The following NDUFB8 variants were observed in gnomAD, a reference collection of about 807,000 sequenced individuals.
NDUFB8 encodes NADH dehydrogenase [ubiquinone] 1 beta subcomplex subunit 8, mitochondrial.
Under a neutral mutation model 26.0 loss-of-function variants are expected in NDUFB8, and 17 were observed. The observed-to-expected ratio is 0.65, with a 90% CI of 0.45 to 0.98. The LOEUF (loss-of-function observed/expected upper bound fraction) is 0.98. NDUFB8 is among the 50% of genes least tolerant of loss of function. NDUFB8 has a pLI of 0.00. For synonymous variants in NDUFB8, 89 were observed against 93.1 expected (o/e 0.96, Z 0.25); for missense variants, 238 against 255.0 (o/e 0.93, Z 0.45).
chr10:100,526,721 T>C, intron 3 of NDUFB8, 167 bp from the exon 4 acceptor site: 1 of 864,022 alleles, frequency 1.2e-6, no homozygotes, highest in Non-Finnish European at 1.8e-6. Context: ...GATTAGATGC[T>C]GGCCTCTGTC....
intron 2 of NDUFB8, 79 bp downstream of exon 2, chr10:100,529,276 GGGGTCACGAGAAGGTTCGGGAAAAA>G: frequency 9.4e-7 from 1 of 1,066,124 alleles, no homozygotes; most frequent in South Asian, 2.0e-5. Flanking sequence ...TTGACTCTGA[GGGGTCACGAGAAGGTTCGGGAAAAA>G]GGGTCACAGT....
chr10:100,529,792 G>T lies in NDUFB8; in HGVS notation c.60C>A (p.Asn20Lys). The change falls in exon 1 of 5, where the codon AAC becomes AAA. Residue 20 changes from asparagine to lysine, a missense_variant. By Grantham distance (94) the Asn-to-Lys change is moderately conservative (BLOSUM62 0). Coordinates refer to ENST00000299166, the MANE Select transcript of NDUFB8 (RefSeq NM_005004.4). ...CTGTCCGTGCGCCCAGCGGCATCACGTTCCGGGATGCCCTTTGCAGCCACT... is the reference window on the plus strand; with the variant it reads ...CTGTCCGTGCGCCCAGCGGCATCACTTTCCGGGATGCCCTTTGCAGCCACT... ...GVQWLQRASR[N>K]VMPLGARTAS... 1 of 1,613,594 alleles carries T rather than the reference G, an allele frequency of 6.2e-7. No homozygotes were observed. The highest frequency in any genetic ancestry group is 2.2e-5 in the East Asian group (1 of 44,832).
rs759472442 is a variant in NDUFB8 at position 100,526,468 on chromosome 10, G to C, written c.399C>G (p.Leu133=). The change falls in exon 4 of 5, where the codon CTC becomes CTG. Residue 133 remains leucine (L), a synonymous_variant. Coordinates refer to ENST00000299166, the MANE Select transcript of NDUFB8 (RefSeq NM_005004.4). ...ATATCATGAAAGCCAGGAAACCGAA[G>C]AGCTGCATACACATGACATGCCAAG... is the stretch of plus-strand genomic sequence containing the variant. ...PVSWHVMCMQ[L]FGFLAFMIFM... is the part of the protein sequence containing the mutation. 6.8e-6 allele frequency: 11 copies of C among 1,612,636 alleles called. No homozygotes were observed. Among genetic ancestry groups the C allele is most frequent in the Non-Finnish European group, 2.5e-6 (3 of 1,179,610 alleles).
In NDUFB8 at chr10:100,524,215, G is replaced by T; in HGVS notation, c.469-286C>A. ...GGAAGGGAGGAAGACAGGGAGGGAG[G>T]TAAAGAAAGAGAGAAGAGTGTGTTA... On this transcript the variant is annotated intron_variant, in intron 4 of 4. Coordinates refer to ENST00000299166, the MANE Select transcript of NDUFB8 (RefSeq NM_005004.4). This position sits in a 1 kb window ranked among gnomAD's most constrained non-coding sequence, Gnocchi z 4.0. 1 of 1,303,662 alleles carries T rather than the reference G, an allele frequency of 7.7e-7. No homozygotes were observed. Among genetic ancestry groups the T allele is most frequent in the Non-Finnish European group, 1.1e-6 (1 of 923,324 alleles). The allele number at this position is 1,303,662 out of a possible 1,614,324, so 80.8% of individuals were successfully genotyped here.
In NDUFB8 at chr10:100,527,055, G is replaced by A. The variant is rs199893243; in HGVS notation, c.232C>T (p.Leu78Phe). 31 of 1,614,130 alleles carry A rather than the reference G, an allele frequency of 1.9e-5. No individual in the cohort carries two copies. The Admixed American group carries it at 2.0e-4, about 10-fold the overall frequency. The change falls in exon 3 of 5, where the codon CTC becomes TTC. Residue 78 changes from leucine (L) to phenylalanine (F), a missense_variant. Transcript: ENST00000299166. ...CTCTCATGCTGTGAGCGGTCAGGGA[G>A]CTTCGGGTAGTCGCCATACCTGAAA... ...DGMGYGDYPK[L>F]PDRSQHERDP...
At chr10:100,529,674 G>A in intron 1 of NDUFB8, 93 bp downstream of exon 1, 1 of 1,548,190 alleles carries the variant, frequency 6.5e-7, no homozygotes, top group Non-Finnish European at 8.8e-7. Context: ...CCTACCCGGA[G>A]GCTGCCGCCG....
At chr10:100,525,715 T>TA (rs1448199496) in intron 4 of NDUFB8, among the ~76,000 whole-genome samples, 1 of 87,364 alleles carries the variant, frequency 1.1e-5, no homozygotes, top group Non-Finnish European at 2.3e-5. Context: ...ACTAAGCACA[T>TA]ACGTGTGTGT....
chr10:100,524,205 AG>A lies in NDUFB8; in HGVS notation c.469-277del. The A allele has an allele frequency of 7.4e-7, 1 of 1,360,432 alleles. No homozygotes were observed. Among genetic ancestry groups the A allele is most frequent in the Non-Finnish European group, 1.0e-6 (1 of 973,272 alleles). 84.3% of individuals were successfully genotyped at this position (1,360,432 alleles called of 1,614,324 possible). Reference sequence around the variant, plus strand: ...GGAAAGGAGGGGAAGGGAGGAAGACAGGGAGGGAGGTAAAGAAAGAGAGAAG... The same window carrying A: ...GGAAAGGAGGGGAAGGGAGGAAGACAGGAGGGAGGTAAAGAAAGAGAGAAG... On this transcript the variant is annotated intron_variant, in intron 4 of 4. Coordinates refer to ENST00000299166, the MANE Select transcript of NDUFB8 (RefSeq NM_005004.4). This position sits in a 1 kb window ranked among gnomAD's most constrained non-coding sequence, Gnocchi z 4.0.
chr10:100,525,522 G>A (rs1369022100), intron 4 of NDUFB8, among the ~76,000 whole-genome samples: 3 of 151,982 alleles, frequency 2.0e-5, no homozygotes, highest in African/African-American at 7.3e-5. Context: ...GCCTCCCAAT[G>A]TGCCGGGATT....
intron 2 of NDUFB8, 43 bp downstream of exon 2, chr10:100,529,337 C>G (rs369735381): frequency 1.3e-6 from 2 of 1,528,214 alleles, no homozygotes; most frequent in Non-Finnish European, 1.8e-6. Context: ...AGCCGGCCTT[C>G]TCCCATCACT....
chr10:100,526,460 AAACC>A lies in NDUFB8; in HGVS notation c.403_406del (p.Gly135SerfsTer5), dbSNP rs1852052314. 1.2e-6 allele frequency: 2 copies of A among 1,612,606 alleles called. No homozygotes were observed. Among genetic ancestry groups the A allele is most frequent in the East Asian group, 4.5e-5 (2 of 44,804 alleles). On this transcript the variant is annotated frameshift_variant, in exon 4 of 5. Transcript: ENST00000299166. LOFTEE classifies it high-confidence loss of function. ...GCACATGAATATCATGAAAGCCAGG[AAACC>A]GAAGAGCTGCATACACATGACATGC...
chr10:100,529,681 G>C, intron 1 of NDUFB8, 86 bp downstream of exon 1: 1 of 1,548,764 alleles, frequency 6.5e-7, no homozygotes, highest in South Asian at 1.1e-5. Context: ...GGAGGCTGCC[G>C]CCGCGGCATC....
rs779030522 is a variant in NDUFB8 at position 100,527,122 on chromosome 10, C to G, written c.213-48G>C. The G allele has an allele frequency of 2.7e-6, 4 of 1,458,632 alleles. No homozygotes were observed. The Admixed American group carries it at 6.8e-5, about 25-fold the overall frequency. The allele number at this position is 1,458,632 out of a possible 1,614,324, so 90.4% of individuals were successfully genotyped here. On this transcript the variant is annotated intron_variant, in intron 2 of 4. Coordinates refer to ENST00000299166, the MANE Select transcript of NDUFB8 (RefSeq NM_005004.4). Reference sequence around the variant, plus strand: ...GGAAAGGGCTGTGAGCAGCCTCAGACAATTCAGAGTCTCCTCATCTTATAG... The same window carrying G: ...GGAAAGGGCTGTGAGCAGCCTCAGAGAATTCAGAGTCTCCTCATCTTATAG...
At chr10:100,529,277 G>A in intron 2 of NDUFB8, 103 bp downstream of exon 2, 1 of 1,107,146 alleles carries the variant, frequency 9.0e-7, no homozygotes, top group Non-Finnish European at 1.2e-6. Flanking sequence ...TGACTCTGAG[G>A]GGTCACGAGA....
rs759646934 is a variant in NDUFB8, at chr10:100,529,865, A to G, written c.-14T>C. ...GGCCACCGCCATCTTCACCTTCTTC[A>G]CGTTTCCCTTCTGCACATGCGCAAA... is the stretch of plus-strand genomic sequence containing the variant. On this transcript the variant is annotated 5_prime_UTR_variant, in exon 1 of 5. Transcript: ENST00000299166. The G allele has an allele frequency of 6.2e-7, 1 of 1,613,318 alleles. No individual in the cohort carries two copies. The highest frequency in any genetic ancestry group is 1.3e-5 in the African/African-American group (1 of 74,986).
At chr10:100,527,961 A>G (rs1852081166) in intron 2 of NDUFB8, among the ~76,000 whole-genome samples, 1 of 152,186 alleles carries the variant, frequency 6.6e-6, no homozygotes, top group South Asian at 2.1e-4. Context: ...CTGGGATTAC[A>G]GGCACCTGCC....
At chr10:100,527,153 A>C in intron 2 of NDUFB8, 79 bp from the exon 3 acceptor site, 1 of 1,165,214 alleles carries the variant, frequency 8.6e-7, no homozygotes, top group Non-Finnish European at 1.3e-6. Context: ...TATAGATGAG[A>C]AACAAAGTGA....
rs763076321 is a variant in NDUFB8 at position 100,526,413 on chromosome 10, C to G, written c.454G>C (p.Val152Leu). 3 of 1,600,164 alleles carry G rather than the reference C, an allele frequency of 1.9e-6. No homozygotes were observed. Among genetic ancestry groups the G allele is most frequent in the Non-Finnish European group, 2.6e-6 (3 of 1,176,288 alleles). Residue 152 changes from valine to leucine, a missense_variant, in exon 4 of 5, where the codon GTC becomes CTC. Transcript: ENST00000299166. ...CGGATACTCACCACAGGCTGGTAGACAGGGTACACGTCCCCCACCCAGCAC... is the reference window on the plus strand; with the variant it reads ...CGGATACTCACCACAGGCTGGTAGAGAGGGTACACGTCCCCCACCCAGCAC... ...FMCWVGDVYP[V>L]YQPVGPKQYP... is the part of the protein sequence containing the mutation.
At chr10:100,526,285 A>G in intron 4 of NDUFB8, 114 bp downstream of exon 4, 1 of 1,262,568 alleles carries the variant, frequency 7.9e-7, no homozygotes, top group East Asian at 2.7e-5. Flanking sequence ...CCTATCTCCT[A>G]AGACTCCAGG....
Sources: gnomAD v4.1 joint callset for allele counts (sites outside exome capture counted in the v4.1 genomes callset) on GRCh38, gnomAD v4.1.1 for gene constraint, Gnocchi (gnomAD v3.1) non-coding constraint, MANE v1.5 for transcripts, NCBI Gene and HGNC (gene_info 2026-07-23, HGNC 2026-07-21) for gene names.